GLB1: variants seen among roughly 807,000 people sequenced by gnomAD.
GLB1 encodes beta-galactosidase.
Under a neutral mutation model 74.0 loss-of-function variants are expected in GLB1, and 56 were observed. The ratio of observed to expected loss-of-function variants is 0.76; its 90% confidence interval spans 0.61 to 0.94. GLB1 has a LOEUF of 0.94. Ranked by LOEUF, GLB1 falls within the 40% of genes least tolerant of loss-of-function variation. The pLI is 0.00. For synonymous variants in GLB1, 323 were observed against 323.6 expected (o/e 1.00, Z 0.02); for missense variants, 787 against 845.5 (o/e 0.93, Z 0.86).
chr3:33,053,935 C>T (rs1027959849), intron 6 of GLB1, among the ~76,000 whole-genome samples: 1 of 152,146 alleles, frequency 6.6e-6, no homozygotes, highest in African/African-American at 2.4e-5. Flanking sequence ...ATTGCTTGAA[C>T]CCGGGAGGTG....
intron 10 of GLB1, chr3:33,034,119 G>A (rs1698171752): frequency 1.6e-6 from 1 of 608,342 alleles, no homozygotes; most frequent in Non-Finnish European, 3.1e-6. Context: ...GTCATTATCT[G>A]GAAAGAGGAA....
At chr3:32,980,662 T>A in the GLB1 span, among the ~76,000 whole-genome samples, 1 of 151,950 alleles carries the variant, frequency 6.6e-6, no homozygotes, top group African/African-American at 2.4e-5. Context: ...GTGCCTGTAA[T>A]CCCAGCTACT....
At chr3:33,090,359 C>T in intron 1 of GLB1, 1 of 975,516 alleles carries the variant, frequency 1.0e-6, no homozygotes, top group Non-Finnish European at 1.2e-6. Flanking sequence ...GAGAGAGGTA[C>T]ATGTACGAAA....
the GLB1 span, among the ~76,000 whole-genome samples, chr3:32,972,433 A>C: frequency 6.6e-6 from 1 of 152,146 alleles, no homozygotes; most frequent in African/African-American, 2.4e-5. Flanking sequence ...TCCAGTTCAG[A>C]CTTGGTCCAG....
chr3:32,973,298 G>A, the GLB1 span, among the ~76,000 whole-genome samples: 1,253 of 152,170 alleles, frequency 8.2e-3, 15 homozygotes, highest in African/African-American at 0.028. Flanking sequence ...GGTGACCTGT[G>A]TGTGTGTGTA....
At chr3:33,044,223 C>T (rs1472588798) in intron 10 of GLB1, among the ~76,000 whole-genome samples, 2 of 152,044 alleles carry the variant, frequency 1.3e-5, no homozygotes, top group East Asian at 3.8e-4. Flanking sequence ...ATTGGTATCA[C>T]AGACTATATT....
chr3:33,096,383 C>G, intron 1 of GLB1: 1 of 982,076 alleles, frequency 1.0e-6, no homozygotes, highest in Non-Finnish European at 1.2e-6. Context: ...TGGCATCCCC[C>G]GGCAGCCTGC....
chr3:33,096,701 G>C (rs909653400), intron 1 of GLB1: 1 of 1,197,814 alleles, frequency 8.3e-7, no homozygotes. Flanking sequence ...AGCCAACTTA[G>C]GAAATGTTTA....
In GLB1 at chr3:33,093,490, G is replaced by A. The variant is rs772439455; in HGVS notation, c.75+3521C>T. The A allele has an allele frequency of 1.2e-6, 2 of 1,614,200 alleles. No individual in the cohort carries two copies. Among genetic ancestry groups the A allele is most frequent in the South Asian group, 1.1e-5 (1 of 91,084 alleles). On this transcript the variant is annotated intron_variant, in intron 1 of 15. Coordinates refer to ENST00000307363, the MANE Select transcript of GLB1 (RefSeq NM_000404.4). The surrounding 1 kb of genome is among the most constrained non-coding windows in gnomAD (Gnocchi z 6.0). The stretch of plus-strand genomic sequence containing the variant: ...ACAATCACCGTGATGTCTGGTTCCA[G>A]CACATTCACCATCCTCACAAACATT...
chr3:32,997,475 G>T, intron 15 of GLB1, 131 bp from the exon 16 acceptor site: 1 of 1,447,236 alleles, frequency 6.9e-7, no homozygotes, highest in Non-Finnish European at 9.4e-7. Flanking sequence ...GAGGCTGACA[G>T]CCAGGCCCAT....
chr3:33,063,253 A>C (rs1415896782), intron 5 of GLB1, among the ~76,000 whole-genome samples: 2 of 152,086 alleles, frequency 1.3e-5, no homozygotes, highest in African/African-American at 4.8e-5. Flanking sequence ...GAAAGCAGAA[A>C]AAAAAGGCAT....
At chr3:33,031,035 C>T (rs960722269) in intron 10 of GLB1, among the ~76,000 whole-genome samples, 1 of 152,184 alleles carries the variant, frequency 6.6e-6, no homozygotes, top group African/African-American at 2.4e-5. Flanking sequence ...ATGAGCTTTG[C>T]CATGCCTTGA....
the GLB1 span, among the ~76,000 whole-genome samples, chr3:32,967,164 G>T: frequency 0.22 from 33,658 of 152,170 alleles, 5,301 homozygotes; most frequent in African/African-American, 0.45. Context: ...AAAAGGGATA[G>T]AGATTGAAAA....
At chr3:33,072,818 T>C in intron 1 of GLB1, 105 bp from the exon 2 acceptor site, 1 of 1,527,092 alleles carries the variant, frequency 6.5e-7, no homozygotes, top group Non-Finnish European at 8.9e-7. Context: ...ATTTGTATAA[T>C]GTGCTGATGG....
In GLB1 at chr3:33,051,897, C is replaced by A. The variant is rs1204795217; in HGVS notation, c.900G>T (p.Gly300=). 19 of 1,614,238 alleles carry A rather than the reference C, an allele frequency of 1.2e-5. No individual in the cohort carries two copies. The highest frequency in any genetic ancestry group is 1.6e-5 in the Non-Finnish European group (19 of 1,180,050). ...ASSLYDILAR[G]ASVNLYMFIG... ...TGAACACTCACAAGTTCACACTCGC[C>A]CCACGGGCAAGTATATCATAGAGGG... Residue 300 remains glycine, a synonymous_variant, in exon 8 of 16, where the codon GGG becomes GGT. Coordinates refer to ENST00000307363, the MANE Select transcript of GLB1 (RefSeq NM_000404.4).
At chr3:33,092,918 G>A (rs376190960) in intron 1 of GLB1, 8 of 1,614,218 alleles carry the variant, frequency 5.0e-6, no homozygotes, top group East Asian at 4.5e-5. Context: ...CTGTGCCTGG[G>A]CTGACATACA....
the GLB1 span, among the ~76,000 whole-genome samples, chr3:32,973,252 T>A: frequency 6.6e-6 from 1 of 152,178 alleles, no homozygotes; most frequent in Non-Finnish European, 1.5e-5. Context: ...AAGGGAACAC[T>A]CTGGATGATG....
At chr3:33,044,624 C>T (rs962093807) in intron 10 of GLB1, among the ~76,000 whole-genome samples, 5 of 152,088 alleles carry the variant, frequency 3.3e-5, no homozygotes, top group African/African-American at 9.6e-5. Flanking sequence ...TTTAACAATA[C>T]ATTTGAAAAT....
chr3:33,007,022 T>A (rs73828910), intron 15 of GLB1, among the ~76,000 whole-genome samples: 2 of 152,166 alleles, frequency 1.3e-5, no homozygotes, highest in African/African-American at 4.8e-5. Flanking sequence ...GGGAGTGGGA[T>A]CTGCCTGTTC....
Sources: gnomAD v4.1 joint callset for allele counts (sites outside exome capture counted in the v4.1 genomes callset) on GRCh38, gnomAD v4.1.1 for gene constraint, Gnocchi (gnomAD v3.1) non-coding constraint, MANE v1.5 for transcripts, NCBI Gene and HGNC (gene_info 2026-07-23, HGNC 2026-07-21) for gene names.